Variants in ADAMTS6 observed in about 807,000 individuals in gnomAD.
The protein encoded by ADAMTS6 is A disintegrin and metalloproteinase with thrombospondin motifs 6.
In ADAMTS6, 23 loss-of-function variants were observed where a neutral mutation model predicts 144.3. That is an observed-to-expected ratio of 0.16 (90% CI 0.11 to 0.23). ADAMTS6 has a LOEUF of 0.23. Ranked by LOEUF, ADAMTS6 falls within the 10% of genes least tolerant of loss-of-function variation. The probability of loss-of-function intolerance (pLI) is 1.00; values close to 1 mark genes in which losing one functional copy is unlikely to be tolerated. For missense variants in ADAMTS6, 999 were observed against 1,379.6 expected (o/e 0.72, Z 4.37); for synonymous variants, 444 against 457.5 (o/e 0.97, Z 0.38).
intron 14 of ADAMTS6, among the ~76,000 whole-genome samples, chr5:65,259,079 G>A (rs1429997204): frequency 5.3e-5 from 8 of 152,144 alleles, no homozygotes; most frequent in Middle Eastern, 3.4e-3. Context: ...GGAGCTGGCC[G>A]GGCATGATGG....
intron 20 of ADAMTS6, among the ~76,000 whole-genome samples, chr5:65,206,603 G>C (rs946350686): frequency 6.6e-6 from 1 of 151,046 alleles, no homozygotes; most frequent in Admixed American, 6.6e-5. Context: ...GGGAGTCTGA[G>C]GCAGGGGAAT....
intron 9 of ADAMTS6, among the ~76,000 whole-genome samples, chr5:65,316,976 A>AT (rs1016692851): frequency 6.6e-6 from 1 of 151,772 alleles, no homozygotes; most frequent in Admixed American, 6.6e-5. Flanking sequence ...AATTTTTGTT[A>AT]TTTTTTAGAA....
chr5:65,252,359 A>G (rs1333032196), intron 14 of ADAMTS6, among the ~76,000 whole-genome samples: 1 of 150,822 alleles, frequency 6.6e-6, no homozygotes, highest in Non-Finnish European at 1.5e-5. Flanking sequence ...CTGTTGCCTC[A>G]GCCTCCCGAG....
intron 7 of ADAMTS6, among the ~76,000 whole-genome samples, chr5:65,445,410 T>G (rs1300493300): frequency 6.6e-6 from 1 of 152,190 alleles, no homozygotes; most frequent in African/African-American, 2.4e-5. Flanking sequence ...CAATCTCAGT[T>G]CACTGCAATC....
At chr5:65,449,086 C>T (rs1758525378) in intron 7 of ADAMTS6, among the ~76,000 whole-genome samples, 1 of 152,134 alleles carries the variant, frequency 6.6e-6, no homozygotes, top group Non-Finnish European at 1.5e-5. Flanking sequence ...TGTTAAGTCA[C>T]TCTATGGCCC....
intron 18 of ADAMTS6, among the ~76,000 whole-genome samples, chr5:65,223,357 A>T (rs1385984939): frequency 6.6e-6 from 1 of 152,206 alleles, no homozygotes; most frequent in Non-Finnish European, 1.5e-5. Context: ...AATAAGATCT[A>T]TTCTCTTAAC....
At chr5:65,364,723 C>T (rs1275964676) in intron 7 of ADAMTS6, among the ~76,000 whole-genome samples, 2 of 151,804 alleles carry the variant, frequency 1.3e-5, no homozygotes, top group African/African-American at 2.4e-5. Flanking sequence ...CCCGTCACTG[C>T]GCCCAGCTAA....
intron 7 of ADAMTS6, among the ~76,000 whole-genome samples, chr5:65,337,509 A>G (rs1366623707): frequency 6.6e-6 from 1 of 151,964 alleles, no homozygotes; most frequent in East Asian, 1.9e-4. Context: ...CATATTTCTT[A>G]CAAATGTAAA....
intron 7 of ADAMTS6, among the ~76,000 whole-genome samples, chr5:65,347,257 A>C (rs1476246729): frequency 6.6e-6 from 1 of 151,974 alleles, no homozygotes; most frequent in Non-Finnish European, 1.5e-5. Context: ...CTTCAACAAA[A>C]AGAACAAAGC....
chr5:65,194,200 C>T (rs901149321), intron 21 of ADAMTS6, among the ~76,000 whole-genome samples: 3 of 152,154 alleles, frequency 2.0e-5, no homozygotes, highest in Non-Finnish European at 4.4e-5. Flanking sequence ...TGATGTTTGA[C>T]GGTTTGACCT....
intron 14 of ADAMTS6, among the ~76,000 whole-genome samples, chr5:65,244,207 A>C (rs1759441399): frequency 6.6e-6 from 1 of 152,092 alleles, no homozygotes. Context: ...AGCCATGGGA[A>C]TAGGAAGGAA....
chr5:65,389,954 G>A (rs1280843390), intron 7 of ADAMTS6, among the ~76,000 whole-genome samples: 1 of 152,124 alleles, frequency 6.6e-6, no homozygotes, highest in Non-Finnish European at 1.5e-5. Context: ...ACAACAGGAT[G>A]TAGAGTGTTC....
intron 9 of ADAMTS6, among the ~76,000 whole-genome samples, chr5:65,314,069 C>G (rs990050579): frequency 6.6e-6 from 1 of 151,864 alleles, no homozygotes; most frequent in African/African-American, 2.4e-5. Context: ...AATAAACAGA[C>G]AGGGAATTTA....
At chr5:65,470,674 C>A in intron 3 of ADAMTS6, 104 bp downstream of exon 3, 1 of 895,480 alleles carries the variant, frequency 1.1e-6, no homozygotes. Flanking sequence ...CCTACTTAAA[C>A]TACCTATATA....
chr5:65,255,719 T>C (rs1760593294), intron 14 of ADAMTS6, among the ~76,000 whole-genome samples: 1 of 152,106 alleles, frequency 6.6e-6, no homozygotes, highest in Admixed American at 6.6e-5. Flanking sequence ...TTCATTATTT[T>C]GTCAGTTCTT....
intron 14 of ADAMTS6, among the ~76,000 whole-genome samples, chr5:65,243,620 G>A (rs1419349351): frequency 2.0e-5 from 3 of 152,026 alleles, no homozygotes. Flanking sequence ...GCTAGTAGGT[G>A]TATCAGGCTG....
intron 7 of ADAMTS6, among the ~76,000 whole-genome samples, chr5:65,337,133 T>C (rs1248875781): frequency 6.6e-6 from 1 of 152,102 alleles, no homozygotes; most frequent in Non-Finnish European, 1.5e-5. Context: ...TCTGAAACAT[T>C]AAAGTTTCTA....
rs146077141 is a variant in ADAMTS6, at chr5:65,443,838, G to A, written c.1073+7637C>T. On this transcript the variant is annotated intron_variant, in intron 7 of 24. Transcript: ENST00000381055. ...GGAAATTTTCTCAACCAGACAAAGC[G>A]CATCAACAAAGAAACCTATAGCTAA... 6.9e-3 allele frequency among the ~76,000 whole-genome samples: 1,042 copies of A among 150,388 alleles called. 6 individuals are homozygous for A. Among genetic ancestry groups the A allele is most frequent in the African/African-American group, 0.022 (919 of 41,076 alleles).
rs76985965 is a variant in ADAMTS6 at position 65,203,911 on chromosome 5, G to C, written c.2576-6760C>G. Among the ~76,000 whole-genome samples, 880 of 152,250 alleles carry C rather than the reference G, an allele frequency of 5.8e-3. 8 individuals carry two copies. The highest frequency in any genetic ancestry group is 0.02 in the African/African-American group (849 of 41,542). On this transcript the variant is annotated intron_variant, in intron 20 of 24. Coordinates refer to ENST00000381055, the MANE Select transcript of ADAMTS6 (RefSeq NM_197941.4). Reference sequence around the variant, plus strand: ...TGATATATAGATCATTAATACAATAGGAATGCACTCAAACTGTGGTTTCAG... The same window carrying C: ...TGATATATAGATCATTAATACAATACGAATGCACTCAAACTGTGGTTTCAG...
Sources: allele counts gnomAD v4.1 joint callset (sites outside exome capture counted in the v4.1 genomes callset), GRCh38; gene constraint gnomAD v4.1.1; transcripts MANE v1.5; gene names NCBI Gene and HGNC (gene_info 2026-07-23, HGNC 2026-07-21).